MYLK: variants seen among roughly 807,000 people sequenced by gnomAD.
MYLK encodes myosin light chain kinase.
In MYLK, 106 loss-of-function variants were observed where a neutral mutation model predicts 203.4. The observed-to-expected ratio is 0.52, with a 90% CI of 0.45 to 0.61. MYLK has a LOEUF of 0.61. Ranked by LOEUF, MYLK falls within the 20% of genes least tolerant of loss-of-function variation. The pLI, the probability that MYLK is intolerant of heterozygous loss-of-function variation, is 0.00. For synonymous variants in MYLK, 867 were observed against 959.5 expected, an observed-to-expected ratio of 0.90 and a Z score of 1.78; for missense variants, 2,072 against 2,442.3, an observed-to-expected ratio of 0.85 and a Z score of 3.20.
intron 2 of MYLK, among the ~76,000 whole-genome samples, chr3:123,867,325 T>C (rs2032399015): frequency 6.6e-6 from 1 of 151,504 alleles, no homozygotes; most frequent in African/African-American, 2.4e-5. Context: ...TACCTGTGAA[T>C]GTGGCCTGGT....
At chr3:123,699,960 T>C in intron 18 of MYLK, 60 bp downstream of exon 18, 1 of 1,606,126 alleles carries the variant, frequency 6.2e-7, no homozygotes, top group Non-Finnish European at 8.5e-7. Context: ...CAACGCTCCA[T>C]GAGCTAGGAG....
At chr3:123,847,909 G>A (rs2030225684) in intron 2 of MYLK, among the ~76,000 whole-genome samples, 1 of 151,964 alleles carries the variant, frequency 6.6e-6, no homozygotes, top group African/African-American at 2.4e-5. Context: ...TAAAAAGACA[G>A]CTTTTCCCCA....
intron 2 of MYLK, among the ~76,000 whole-genome samples, chr3:123,847,518 T>C (rs1398200252): frequency 1.3e-5 from 2 of 152,116 alleles, no homozygotes; most frequent in East Asian, 3.8e-4. Context: ...TTACTGTGTA[T>C]TGTTAAGGAT....
At chr3:123,819,763 T>A (rs1258069514) in intron 3 of MYLK, among the ~76,000 whole-genome samples, 3 of 151,668 alleles carry the variant, frequency 2.0e-5, no homozygotes, top group African/African-American at 7.3e-5. Context: ...AAATTTCTGT[T>A]CATTTGAGAT....
chr3:123,769,430 G>A (rs1053337374), intron 4 of MYLK, among the ~76,000 whole-genome samples: 1 of 152,206 alleles, frequency 6.6e-6, no homozygotes, highest in African/African-American at 2.4e-5. Context: ...GCAAGACTGT[G>A]ACTTACTCAT....
intron 4 of MYLK, among the ~76,000 whole-genome samples, chr3:123,767,380 GC>G (rs1339978232): frequency 6.6e-6 from 1 of 152,208 alleles, no homozygotes; most frequent in Non-Finnish European, 1.5e-5. Flanking sequence ...GCCGAGGTTG[GC>G]AGATCACCTG....
intron 2 of MYLK, among the ~76,000 whole-genome samples, chr3:123,856,167 A>G (rs1428186383): frequency 2.0e-5 from 3 of 152,200 alleles, no homozygotes; most frequent in Admixed American, 2.0e-4. Flanking sequence ...GAATCAACAA[A>G]TGGAGAATCT....
At chr3:123,763,738 C>A (rs2063611084) in intron 4 of MYLK, among the ~76,000 whole-genome samples, 1 of 152,150 alleles carries the variant, frequency 6.6e-6, no homozygotes, top group Non-Finnish European at 1.5e-5. Context: ...CTTTTAGAAT[C>A]TTCTTTTCAT....
In MYLK at chr3:123,674,224, A is replaced by T. The variant is rs60516858; in HGVS notation, c.3653-7037T>A. Among the ~76,000 whole-genome samples, 4,080 of 152,034 alleles carry T rather than the reference A, an allele frequency of 0.027. 364 individuals are homozygous for T. In the East Asian group the frequency reaches 0.34, roughly 13 times the overall value. On this transcript the variant is annotated intron_variant, in intron 20 of 33. Coordinates refer to ENST00000360304, the MANE Select transcript of MYLK (RefSeq NM_053025.4). ...CCCCTCCCTGCCCATATCCACTGAC[A>T]AATGCCTGTTGTCTACACCAACTAA...
intron 2 of MYLK, among the ~76,000 whole-genome samples, chr3:123,845,945 T>C (rs889165331): frequency 6.6e-6 from 1 of 152,226 alleles, no homozygotes; most frequent in Non-Finnish European, 1.5e-5. Context: ...CTTCACTCTG[T>C]TTCCCCTAAT....
Position 123,682,298 on chromosome 3 carries a change from C to A in MYLK, c.3578G>T (p.Ser1193Ile), listed in dbSNP as rs776724662. The A allele has an allele frequency of 3.7e-6, 6 of 1,600,504 alleles. No individual in the cohort carries two copies. Among genetic ancestry groups the A allele is most frequent in the Non-Finnish European group, 5.1e-6 (6 of 1,173,508 alleles). The change falls in exon 20 of 34, where the codon AGT becomes ATT. Residue 1193 changes from serine to isoleucine, a missense_variant. Physicochemically the swap from Ser to Ile is moderately radical, Grantham distance 142. Coordinates refer to ENST00000360304, the MANE Select transcript of MYLK (RefSeq NM_053025.4). Reference sequence around the variant, plus strand: ...CATCTCTGGGGCCTTGGTGTTCTCACTGGCTGGAGCATCTGGAATGAAACA... The same window carrying A: ...CATCTCTGGGGCCTTGGTGTTCTCAATGGCTGGAGCATCTGGAATGAAACA... ...CQVTVDDAPA[S>I]ENTKAPEMKS...
chr3:123,783,660 T>C (rs2064387105), intron 4 of MYLK, among the ~76,000 whole-genome samples: 1 of 151,836 alleles, frequency 6.6e-6, no homozygotes. Flanking sequence ...GCAATAAGAA[T>C]GTGTACAAAG....
chr3:123,843,486 A>G lies in MYLK; in HGVS notation c.-126-11816T>C, dbSNP rs2066642766. 2.0e-5 allele frequency among the ~76,000 whole-genome samples: 3 copies of G among 152,168 alleles called. No individual in the cohort carries two copies. The South Asian group carries it at 6.2e-4, about 32-fold the overall frequency. ...CTTGCTTCAAACAGATTCATGTTCT[A>G]ATAGGAATAAAGGTAAGGTGGCTGG... On this transcript the variant is annotated intron_variant, in intron 2 of 33. Coordinates refer to ENST00000360304, the MANE Select transcript of MYLK (RefSeq NM_053025.4).
intron 20 of MYLK, among the ~76,000 whole-genome samples, chr3:123,667,976 G>T (rs775843364): frequency 1.3e-5 from 2 of 152,194 alleles, no homozygotes; most frequent in Non-Finnish European, 2.9e-5. Context: ...TTGTTGGATG[G>T]ATGAATGGAT....
chr3:123,755,539 C>T (rs1012633111), intron 4 of MYLK, among the ~76,000 whole-genome samples: 1 of 152,094 alleles, frequency 6.6e-6, no homozygotes, highest in Admixed American at 6.5e-5. Flanking sequence ...ATTTTTGTGA[C>T]CTTGTTCAGT....
chr3:123,647,455 A>C (rs1272493660), intron 26 of MYLK, 28 bp from the exon 27 acceptor site: 1 of 1,606,696 alleles, frequency 6.2e-7, no homozygotes, highest in Non-Finnish European at 8.5e-7. Context: ...AGGAGAGAAA[A>C]GCCACATTTA....
At chr3:123,639,302 G>A (rs1266578506) in intron 28 of MYLK, among the ~76,000 whole-genome samples, 3 of 152,182 alleles carry the variant, frequency 2.0e-5, no homozygotes, top group South Asian at 2.1e-4. Context: ...CCACCAGACC[G>A]GTCATAGTCT....
intron 20 of MYLK, among the ~76,000 whole-genome samples, chr3:123,675,551 T>C (rs2060046972): frequency 6.6e-6 from 1 of 152,148 alleles, no homozygotes; most frequent in Admixed American, 6.5e-5. Context: ...TCTGAGATAA[T>C]GGAAAGCAAA....
intron 2 of MYLK, among the ~76,000 whole-genome samples, chr3:123,859,647 G>A (rs2031718809): frequency 6.6e-6 from 1 of 152,308 alleles, no homozygotes; most frequent in African/African-American, 2.4e-5. Flanking sequence ...ATCATATGAA[G>A]AGCTTCTATA....
Sources: allele counts gnomAD v4.1 joint callset (sites outside exome capture counted in the v4.1 genomes callset), GRCh38; gene constraint gnomAD v4.1.1; transcripts MANE v1.5; gene names NCBI Gene and HGNC (gene_info 2026-07-23, HGNC 2026-07-21).